PDZD2: variants seen among roughly 807,000 people sequenced by gnomAD.
The protein encoded by PDZD2 is PDZ domain containing 2.
In PDZD2, 90 loss-of-function variants were observed where a neutral mutation model predicts 220.7. The ratio of observed to expected loss-of-function variants is 0.41; its 90% CI spans 0.34 to 0.49. PDZD2 has a LOEUF of 0.49. Among genes scored for constraint, PDZD2 ranks in the 20% least tolerant of loss-of-function variants. PDZD2 has a pLI of 0.28. For synonymous variants in PDZD2, 1,375 were observed against 1,450.5 expected (o/e 0.95, Z 1.18); for missense variants, 3,174 against 3,608.5 (o/e 0.88, Z 3.08).
intron 2 of PDZD2, among the ~76,000 whole-genome samples, chr5:31,865,383 G>A (rs941602112): frequency 6.6e-6 from 1 of 151,336 alleles, no homozygotes; most frequent in African/African-American, 2.4e-5. Flanking sequence ...CGCCATCACA[G>A]CTCACTGCAG....
chr5:31,967,249 A>C (rs946040199), intron 2 of PDZD2, among the ~76,000 whole-genome samples: 1 of 152,166 alleles, frequency 6.6e-6, no homozygotes, highest in Admixed American at 6.5e-5. Flanking sequence ...CATGCCGTCA[A>C]TGTTTGAATT....
chr5:32,018,563 G>A (rs1025618374), intron 6 of PDZD2, among the ~76,000 whole-genome samples: 1 of 152,226 alleles, frequency 6.6e-6, no homozygotes, highest in African/African-American at 2.4e-5. Flanking sequence ...ACCAGTTCCT[G>A]TTATATAGAC....
At chr5:32,068,904 A>G (rs370623589) in intron 14 of PDZD2, among the ~76,000 whole-genome samples, 1 of 152,124 alleles carries the variant, frequency 6.6e-6, no homozygotes, top group East Asian at 1.9e-4. Flanking sequence ...GTTAAAAATT[A>G]GTGATTCTAG....
At chr5:31,722,019 G>C (rs1157518033) in intron 1 of PDZD2, among the ~76,000 whole-genome samples, 1 of 152,010 alleles carries the variant, frequency 6.6e-6, no homozygotes, top group African/African-American at 2.4e-5. Flanking sequence ...AGCCCTGTCT[G>C]CTCGAGCTCA....
chr5:32,105,386 G>A (rs1744668863), intron 24 of PDZD2, among the ~76,000 whole-genome samples: 1 of 152,286 alleles, frequency 6.6e-6, no homozygotes, highest in Admixed American at 6.5e-5. Flanking sequence ...ATACTATGAT[G>A]TGTTGGCAAG....
chr5:31,771,949 A>G (rs578115075), intron 1 of PDZD2, among the ~76,000 whole-genome samples: 6 of 152,162 alleles, frequency 3.9e-5, no homozygotes, highest in Non-Finnish European at 7.3e-5. Context: ...CCCTTTCTTA[A>G]ACTAAGATTT....
At chr5:31,929,709 G>A (rs555706879) in intron 2 of PDZD2, among the ~76,000 whole-genome samples, 13 of 151,594 alleles carry the variant, frequency 8.6e-5, no homozygotes, top group Non-Finnish European at 1.8e-4. Flanking sequence ...AAAATCAGCC[G>A]GGTGTGGTGC....
At chr5:31,654,510 G>A (rs139354965) in intron 1 of PDZD2, among the ~76,000 whole-genome samples, 295 of 152,128 alleles carry the variant, frequency 1.9e-3, no homozygotes, top group Non-Finnish European at 2.8e-3. Flanking sequence ...AACTCCCACC[G>A]ATCTTATCTC....
chr5:31,890,411 T>A (rs1740924567), intron 2 of PDZD2, among the ~76,000 whole-genome samples: 1 of 152,146 alleles, frequency 6.6e-6, no homozygotes, highest in Non-Finnish European at 1.5e-5. Flanking sequence ...TTTAACCCCC[T>A]TTGATTTTCA....
intron 1 of PDZD2, among the ~76,000 whole-genome samples, chr5:31,784,596 A>G (rs562923926): frequency 1.3e-5 from 2 of 152,056 alleles, no homozygotes; most frequent in Admixed American, 6.6e-5. Flanking sequence ...AGGGACAAAA[A>G]CTCTAAGAGT....
intron 2 of PDZD2, among the ~76,000 whole-genome samples, chr5:31,808,721 A>G (rs1258118548): frequency 1.3e-5 from 2 of 152,216 alleles, no homozygotes; most frequent in Non-Finnish European, 2.9e-5. Context: ...TCATGCCTGT[A>G]ATGCCAGCAC....
intron 2 of PDZD2, among the ~76,000 whole-genome samples, chr5:31,828,576 G>A (rs1483685010): frequency 2.0e-5 from 3 of 152,182 alleles, no homozygotes; most frequent in African/African-American, 7.2e-5. Context: ...GCTCACTGTA[G>A]CCTCAACCTC....
intron 2 of PDZD2, among the ~76,000 whole-genome samples, chr5:31,948,748 T>C (rs1746888226): frequency 6.6e-6 from 1 of 152,164 alleles, no homozygotes; most frequent in Non-Finnish European, 1.5e-5. Context: ...TGTGATTCTG[T>C]AACAGTCCCA....
At chr5:32,006,138 C>T (rs1171225810) in intron 5 of PDZD2, among the ~76,000 whole-genome samples, 11 of 142,966 alleles carry the variant, frequency 7.7e-5, no homozygotes, top group Non-Finnish European at 1.5e-4. Context: ...CAGAGTGAGA[C>T]TCCACTTCAA....
intron 1 of PDZD2, among the ~76,000 whole-genome samples, chr5:31,759,299 C>T (rs1380890772): frequency 1.3e-5 from 2 of 152,174 alleles, no homozygotes; most frequent in Non-Finnish European, 2.9e-5. Flanking sequence ...AGTGCACACA[C>T]ACCCGGCTCT....
intron 14 of PDZD2, among the ~76,000 whole-genome samples, chr5:32,064,530 AC>A (rs1157168750): frequency 3.3e-5 from 5 of 152,118 alleles, no homozygotes; most frequent in African/African-American, 1.2e-4. Context: ...AGCATGAGCC[AC>A]CACGCCCGGC....
In PDZD2 at chr5:32,091,070, C is replaced by T; in HGVS notation, c.7622C>T (p.Pro2541Leu). 1 of 1,612,128 alleles carries T rather than the reference C, an allele frequency of 6.2e-7. No individual in the cohort carries two copies. Among genetic ancestry groups the T allele is most frequent in the East Asian group, 2.2e-5 (1 of 44,806 alleles). Reference protein sequence around the residue: ...CPEKGGNRACPGGSGPKTSAA... With the variant: ...CPEKGGNRACLGGSGPKTSAA... Reference sequence around the variant, plus strand: ...GAGAAGGGCGGGAACAGGGCCTGTCCAGGAGGAAGTGGCCCTAAAACCAGT... The same window carrying T: ...GAGAAGGGCGGGAACAGGGCCTGTCTAGGAGGAAGTGGCCCTAAAACCAGT... Residue 2541 changes from proline to leucine, a missense_variant, in exon 20 of 25, where the codon CCA (proline) becomes CTA (leucine). Physicochemically the swap from Pro to Leu is moderately conservative, Grantham distance 98. Coordinates refer to ENST00000438447, the MANE Select transcript of PDZD2 (RefSeq NM_178140.4).
intron 2 of PDZD2, among the ~76,000 whole-genome samples, chr5:31,900,454 G>A (rs1192641832): frequency 3.3e-5 from 5 of 152,064 alleles, no homozygotes; most frequent in Admixed American, 1.3e-4. Context: ...GAGGGACTTC[G>A]GGCCTGGAAC....
chr5:31,731,062 C>T (rs185579012), intron 1 of PDZD2, among the ~76,000 whole-genome samples: 1 of 152,288 alleles, frequency 6.6e-6, no homozygotes. Flanking sequence ...AATTGCTTGG[C>T]CTTTTGACTT....
Sources: gnomAD v4.1 joint callset for allele counts (sites outside exome capture counted in the v4.1 genomes callset) on GRCh38, gnomAD v4.1.1 for gene constraint, MANE v1.5 for transcripts, NCBI Gene and HGNC (gene_info 2026-07-23, HGNC 2026-07-21) for gene names.